PDLIM3: variants seen among roughly 807,000 people sequenced by gnomAD.
PDLIM3 encodes PDZ and LIM domain 3, also known as PDZ and LIM domain protein 3.
Under a neutral mutation model 37.3 loss-of-function variants are expected in PDLIM3, and 36 were observed. The observed-to-expected ratio is 0.97, with a 90% confidence interval of 0.74 to 1.28. The LOEUF (loss-of-function observed/expected upper bound fraction) is 1.28, where lower values mean the gene tolerates loss of function less well. PDLIM3 is among the 50% of genes most tolerant of loss of function. The probability of loss-of-function intolerance (pLI) is 0.00; values close to 1 mark genes in which losing one functional copy is unlikely to be tolerated. For missense variants in PDLIM3, 454 were observed against 485.0 expected, an observed-to-expected ratio of 0.94 and a Z score of 0.60; for synonymous variants, 174 against 182.4, an observed-to-expected ratio of 0.95 and a Z score of 0.37.
At chr4:185,519,821 A>C (rs2095720537) in intron 3 of PDLIM3, among the ~76,000 whole-genome samples, 1 of 152,146 alleles carries the variant, frequency 6.6e-6, no homozygotes, top group Non-Finnish European at 1.5e-5. Context: ...TAAAAGTTTG[A>C]CTTGGGTTGA....
intron 4 of PDLIM3, among the ~76,000 whole-genome samples, chr4:185,511,368 CTT>C (rs11362501): frequency 1.7e-3 from 247 of 145,674 alleles, no homozygotes; most frequent in Non-Finnish European, 2.0e-3. Context: ...CAACTTACTA[CTT>C]TTTTTTTTTT....
intron 6 of PDLIM3, among the ~76,000 whole-genome samples, chr4:185,506,193 T>C (rs1188881427): frequency 2.6e-5 from 4 of 152,014 alleles, no homozygotes; most frequent in Non-Finnish European, 5.9e-5. Context: ...TACTCCAGAG[T>C]GTGGGGGGGA....
In PDLIM3 at chr4:185,535,376, C is replaced by T. The variant is rs774385688; in HGVS notation, c.59G>A (p.Gly20Asp). 9 of 1,608,148 alleles carry T rather than the reference C, an allele frequency of 5.6e-6. No homozygotes were observed. Among genetic ancestry groups the T allele is most frequent in the African/African-American group, 2.7e-5 (2 of 74,166 alleles). The change falls in exon 1 of 8, where the codon GGC becomes GAC. Residue 20 changes from glycine to aspartate, a missense_variant. By Grantham distance (94) the Gly-to-Asp change is moderately conservative. Transcript: ENST00000284767. Reference sequence around the variant, plus strand: ...GACCAAAGGCTGGTTGAAGTCTATGCCCCCTGAGAGCCTGAAGCCCCAGGG... The same window carrying T: ...GACCAAAGGCTGGTTGAAGTCTATGTCCCCTGAGAGCCTGAAGCCCCAGGG... Reference protein sequence around the residue: ...PAPWGFRLSGGIDFNQPLVIT... With the variant: ...PAPWGFRLSGDIDFNQPLVIT...
intron 3 of PDLIM3, 81 bp downstream of exon 3, chr4:185,523,281 T>C: frequency 1.1e-6 from 1 of 944,308 alleles, no homozygotes; most frequent in East Asian, 2.4e-5. Flanking sequence ...AATTTTTCTA[T>C]TTGTCTCTTC....
intron 6 of PDLIM3, 61 bp downstream of exon 6, chr4:185,506,461 C>T (rs967823642): frequency 1.2e-6 from 2 of 1,604,496 alleles, no homozygotes; most frequent in African/African-American, 1.3e-5. Context: ...CTGTCGTCCC[C>T]GTCCCGCCCC....
chr4:185,527,723 T>C (rs926797293), intron 1 of PDLIM3, among the ~76,000 whole-genome samples: 4 of 152,192 alleles, frequency 2.6e-5, no homozygotes, highest in African/African-American at 9.7e-5. Flanking sequence ...TTTTCTATTT[T>C]TAAATGTCTA....
intron 5 of PDLIM3, among the ~76,000 whole-genome samples, chr4:185,507,497 T>C (rs1179674692): frequency 1.3e-5 from 2 of 152,198 alleles, no homozygotes; most frequent in African/African-American, 4.8e-5. Context: ...CTTTGAGATA[T>C]CTTACACTAC....
intron 7 of PDLIM3, among the ~76,000 whole-genome samples, chr4:185,503,117 G>A (rs988085756): frequency 8.5e-5 from 13 of 152,098 alleles, no homozygotes; most frequent in Admixed American, 6.6e-5. Context: ...CCAGCTACTC[G>A]GGAGGCTGAG....
At chr4:185,509,631 C>CA (rs1561193011) in intron 4 of PDLIM3, among the ~76,000 whole-genome samples, 1 of 152,068 alleles carries the variant, frequency 6.6e-6, no homozygotes, top group African/African-American at 2.4e-5. Flanking sequence ...TAAGACAAAG[C>CA]AAAAAGAAAT....
chr4:185,515,110 C>A (rs2095712987), intron 3 of PDLIM3: 1 of 369,430 alleles, frequency 2.7e-6, no homozygotes, highest in East Asian at 4.3e-5. Context: ...AAGGAACTGA[C>A]CTTATTTAAC....
intron 3 of PDLIM3, among the ~76,000 whole-genome samples, chr4:185,519,931 A>G (rs1396938372): frequency 6.6e-6 from 1 of 152,218 alleles, no homozygotes; most frequent in Admixed American, 6.5e-5. Flanking sequence ...TGTTTCTCTA[A>G]CTGACACGTA....
At chr4:185,516,091 G>C (rs2095714473) in intron 3 of PDLIM3, 1 of 152,086 alleles carries the variant, frequency 6.6e-6, no homozygotes, top group Middle Eastern at 3.2e-3. Context: ...AGTAGAGACA[G>C]GGTTTCACCA....
chr4:185,502,627 G>A (rs913945192), intron 7 of PDLIM3, 144 bp from the exon 8 acceptor site: 6 of 752,998 alleles, frequency 8.0e-6, no homozygotes, highest in South Asian at 2.9e-5. Context: ...AGGCACAGCC[G>A]TGAAACTGTA....
rs1454234764 is a variant in PDLIM3, at chr4:185,506,512, G to A, written c.793+10C>T. 10 of 1,613,464 alleles carry A rather than the reference G, an allele frequency of 6.2e-6. No homozygotes were observed. Among genetic ancestry groups the A allele is most frequent in the South Asian group, 2.2e-5 (2 of 91,080 alleles). On this transcript the variant is annotated intron_variant, in intron 6 of 7. Transcript: ENST00000284767. ...TCAATACGTTTCAGCAGGTGTCAGCGGCTGCTCACCAGAGCCATCGTCCAC... is the reference window on the plus strand; with the variant it reads ...TCAATACGTTTCAGCAGGTGTCAGCAGCTGCTCACCAGAGCCATCGTCCAC...
intron 1 of PDLIM3, among the ~76,000 whole-genome samples, chr4:185,530,691 A>G (rs533147679): frequency 7.3e-4 from 111 of 152,206 alleles, no homozygotes; most frequent in Non-Finnish European, 1.3e-3. Flanking sequence ...TAAACAACTC[A>G]TAAGTGTTAA....
intron 1 of PDLIM3, among the ~76,000 whole-genome samples, chr4:185,533,228 A>C (rs960842999): frequency 6.6e-5 from 10 of 152,212 alleles, no homozygotes; most frequent in Admixed American, 6.5e-4. Context: ...AACCTCACAC[A>C]CTGCCTTTCA....
chr4:185,502,711 A>G (rs1021106477), intron 7 of PDLIM3, among the ~76,000 whole-genome samples: 25 of 152,080 alleles, frequency 1.6e-4, no homozygotes, highest in Admixed American at 1.4e-3. Flanking sequence ...ACGTGTGACT[A>G]TTTTTCAGAT....
At chr4:185,508,236 G>T (rs543186196) in intron 5 of PDLIM3, 63 bp downstream of exon 5, 1 of 1,496,072 alleles carries the variant, frequency 6.7e-7, no homozygotes, top group East Asian at 2.3e-5. Context: ...AAAGACACCA[G>T]TAAAGCTGAC....
intron 4 of PDLIM3, chr4:185,513,291 A>C: frequency 3.5e-5 from 34 of 985,318 alleles, no homozygotes; most frequent in Non-Finnish European, 4.0e-5. Flanking sequence ...ATTTTGAGAC[A>C]ATCACCTGGC....
Sources: gnomAD v4.1 joint callset for allele counts (sites outside exome capture counted in the v4.1 genomes callset) on GRCh38, gnomAD v4.1.1 for gene constraint, MANE v1.5 for transcripts, NCBI Gene and HGNC (gene_info 2026-07-23, HGNC 2026-07-21) for gene names.